PLEKHG1: variants seen among roughly 807,000 people sequenced by gnomAD.
PLEKHG1 encodes pleckstrin homology and RhoGEF domain containing G1.
In PLEKHG1, 44 loss-of-function variants were observed where a neutral mutation model predicts 100.8. That is an observed-to-expected ratio of 0.44 (90% CI 0.34 to 0.56). The LOEUF (loss-of-function observed/expected upper bound fraction) is 0.56. Ranked by LOEUF, PLEKHG1 falls within the 20% of genes least tolerant of loss-of-function variation. The probability of loss-of-function intolerance (pLI) is 0.01; values close to 1 mark genes in which losing one functional copy is unlikely to be tolerated. For synonymous variants in PLEKHG1, 640 were observed against 662.5 expected, an observed-to-expected ratio of 0.97 and a Z score of 0.52; for missense variants, 1,545 against 1,720.9, an observed-to-expected ratio of 0.90 and a Z score of 1.81.
intron 1 of PLEKHG1, among the ~76,000 whole-genome samples, chr6:150,603,286 T>A (rs1220116206): frequency 6.6e-6 from 1 of 152,134 alleles, no homozygotes; most frequent in Non-Finnish European, 1.5e-5. Context: ...ATCACAGGCT[T>A]GCATCAATCT....
At chr6:150,805,911 T>A (rs1787059071) in intron 7 of PLEKHG1, among the ~76,000 whole-genome samples, 3 of 152,304 alleles carry the variant, frequency 2.0e-5, no homozygotes, top group Admixed American at 1.3e-4. Context: ...CTTAAGGAAC[T>A]TTTGACAGCT....
intron 3 of PLEKHG1, among the ~76,000 whole-genome samples, chr6:150,692,187 T>G (rs1345197497): frequency 6.6e-6 from 1 of 152,244 alleles, no homozygotes; most frequent in Non-Finnish European, 1.5e-5. Flanking sequence ...TAATGTTTGT[T>G]GTGTTTATGT....
chr6:150,678,461 C>G (rs1196135834), intron 3 of PLEKHG1, among the ~76,000 whole-genome samples: 2 of 152,094 alleles, frequency 1.3e-5, no homozygotes, highest in African/African-American at 4.8e-5. Context: ...TCTGTGTTAA[C>G]TTCAGATGCC....
intron 1 of PLEKHG1, among the ~76,000 whole-genome samples, chr6:150,609,612 G>A (rs766899775): frequency 6.6e-6 from 1 of 152,184 alleles, no homozygotes; most frequent in Non-Finnish European, 1.5e-5. Context: ...CAGCTTGGCA[G>A]TGTGATGCAA....
chr6:150,777,457 A>G (rs1386752079), intron 3 of PLEKHG1, among the ~76,000 whole-genome samples: 1 of 147,476 alleles, frequency 6.8e-6, no homozygotes, highest in East Asian at 2.0e-4. Context: ...GTTGCACATC[A>G]GCCACACTGA....
At chr6:150,657,790 A>T (rs776323519) in intron 3 of PLEKHG1, among the ~76,000 whole-genome samples, 12 of 152,342 alleles carry the variant, frequency 7.9e-5, no homozygotes, top group Non-Finnish European at 1.6e-4. Flanking sequence ...ATCAACTTGG[A>T]TAGACCCACC....
intron 1 of PLEKHG1, among the ~76,000 whole-genome samples, chr6:150,633,566 G>A (rs2128562935): frequency 6.6e-6 from 1 of 152,310 alleles, no homozygotes; most frequent in Admixed American, 6.5e-5. Flanking sequence ...GGAGGCTTTG[G>A]CTGCAGCTGC....
chr6:150,607,669 G>A (rs1446287945), intron 1 of PLEKHG1, among the ~76,000 whole-genome samples: 3 of 152,200 alleles, frequency 2.0e-5, no homozygotes, highest in Non-Finnish European at 4.4e-5. Flanking sequence ...TATTAGAGGA[G>A]ATGCAGCCTT....
chr6:150,841,521 C>T (rs894778862), exon 16 of PLEKHG1: 8 of 155,740 alleles, frequency 5.1e-5, no homozygotes, highest in East Asian at 1.9e-4. Flanking sequence ...ATTTTCTGTA[C>T]GCAGAACCCT....
At chr6:150,758,122 A>G (rs1783948968) in intron 2 of PLEKHG1, among the ~76,000 whole-genome samples, 1 of 152,176 alleles carries the variant, frequency 6.6e-6, no homozygotes, top group Non-Finnish European at 1.5e-5. Context: ...GCTATTGTGA[A>G]TAGCGCTGCA....
intron 2 of PLEKHG1, among the ~76,000 whole-genome samples, chr6:150,767,660 C>T (rs999046942): frequency 5.9e-5 from 9 of 152,142 alleles, no homozygotes; most frequent in Non-Finnish European, 7.4e-5. Context: ...CATCTAAACA[C>T]GACAGTGTTT....
intron 2 of PLEKHG1, among the ~76,000 whole-genome samples, chr6:150,764,057 G>A (rs2128636596): frequency 6.6e-6 from 1 of 151,960 alleles, no homozygotes; most frequent in East Asian, 1.9e-4. Flanking sequence ...CCTGTCTGCT[G>A]CATGCATCAC....
intron 1 of PLEKHG1, among the ~76,000 whole-genome samples, chr6:150,607,501 C>A (rs1353976191): frequency 1.3e-5 from 2 of 152,204 alleles, no homozygotes; most frequent in Non-Finnish European, 2.9e-5. Flanking sequence ...AGTATTAGAG[C>A]TGCATCAAAG....
chr6:150,603,076 T>A (rs1179944558), intron 1 of PLEKHG1, among the ~76,000 whole-genome samples: 1 of 22,110 alleles, frequency 4.5e-5, no homozygotes, highest in Non-Finnish European at 1.3e-4. Context: ...CGAGACTCCG[T>A]CTCAAAAAAA....
intron 3 of PLEKHG1, chr6:150,662,597 G>A (rs529726059): frequency 6.6e-6 from 1 of 152,260 alleles, no homozygotes; most frequent in African/African-American, 2.4e-5. Flanking sequence ...TGTGTTTTTA[G>A]TAGAGACAGG....
rs200893432 is a variant in PLEKHG1 at position 150,767,594 on chromosome 6, C to T, written c.412-1044C>T. Among the ~76,000 whole-genome samples, 29 of 152,272 alleles carry T rather than the reference C, an allele frequency of 1.9e-4. No individual in the cohort carries two copies. The East Asian group carries it at 4.4e-3, about 23-fold the overall frequency. On this transcript the variant is annotated intron_variant, in intron 2 of 15. Transcript: ENST00000358517. ...AGAATGAAGGTGGATTAATAAAAGG[C>T]GTAAGAAACAATTATCTAATGGATC...
intron 10 of PLEKHG1, among the ~76,000 whole-genome samples, chr6:150,810,399 C>T (rs527774290): frequency 6.6e-6 from 1 of 151,030 alleles, no homozygotes; most frequent in African/African-American, 2.4e-5. Context: ...GCTGGGACTA[C>T]AGGTGCGCAC....
chr6:150,628,865 A>C (rs1003188657), intron 1 of PLEKHG1, among the ~76,000 whole-genome samples: 3 of 152,192 alleles, frequency 2.0e-5, no homozygotes, highest in Admixed American at 2.0e-4. Flanking sequence ...TGTCATCCAC[A>C]TGCAAAGATA....
At chr6:150,632,781 A>G (rs1225420364) in intron 1 of PLEKHG1, among the ~76,000 whole-genome samples, 1 of 152,264 alleles carries the variant, frequency 6.6e-6, no homozygotes, top group African/African-American at 2.4e-5. Context: ...GATGTTTTAA[A>G]GAATACTTTA....
Sources: gnomAD v4.1 joint callset for allele counts (sites outside exome capture counted in the v4.1 genomes callset) on GRCh38, gnomAD v4.1.1 for gene constraint, MANE v1.5 for transcripts, NCBI Gene and HGNC (gene_info 2026-07-23, HGNC 2026-07-21) for gene names.